CFTR: variants seen among roughly 807,000 people sequenced by gnomAD.
CFTR encodes the protein cystic fibrosis transmembrane conductance regulator.
CFTR carries 181 observed loss-of-function variants against 171.6 expected under a neutral mutation model. That is an observed-to-expected ratio of 1.05 (90% CI 0.93 to 1.19). The LOEUF is 1.19. Among genes scored for constraint, CFTR ranks in the 50% most tolerant of loss-of-function variants. The pLI, the probability that CFTR is intolerant of heterozygous loss-of-function variation, is 0.00. For missense variants in CFTR, 1,968 were observed against 1,734.7 expected (o/e 1.13, Z -2.39); for synonymous variants, 583 against 608.0 (o/e 0.96, Z 0.60).
At chr7:117,576,172 CA>C (rs1371520572) in intron 11 of CFTR, among the ~76,000 whole-genome samples, 3 of 152,060 alleles carry the variant, frequency 2.0e-5, no homozygotes, top group Admixed American at 2.0e-4. Flanking sequence ...GTCATTCTGA[CA>C]TATTTTTTCT....
intron 1 of CFTR, among the ~76,000 whole-genome samples, chr7:117,492,056 G>T (rs550793534): frequency 6.6e-6 from 1 of 152,078 alleles, no homozygotes; most frequent in Admixed American, 6.6e-5. Flanking sequence ...ATAAGAAAAA[G>T]GACCTTTTGC....
intron 3 of CFTR, among the ~76,000 whole-genome samples, chr7:117,518,924 A>G (rs1798642787): frequency 6.6e-6 from 1 of 152,174 alleles, no homozygotes; most frequent in African/African-American, 2.4e-5. Flanking sequence ...ATTAAAATTA[A>G]TATTTTAACA....
chr7:117,555,693 G>A (rs561635751), intron 10 of CFTR, among the ~76,000 whole-genome samples: 63 of 152,316 alleles, frequency 4.1e-4, no homozygotes, highest in Non-Finnish European at 7.8e-4. Flanking sequence ...TGCAGCTACA[G>A]TTGCCTGCAA....
In CFTR at chr7:117,509,133, A is replaced by G; in HGVS notation, c.264A>G (p.Leu88=). The G allele has an allele frequency of 6.5e-7, 1 of 1,546,772 alleles. No individual in the cohort carries two copies. Among genetic ancestry groups the G allele is most frequent in the Non-Finnish European group, 8.9e-7 (1 of 1,118,910 alleles). The part of the protein sequence containing the change: ...FWRFMFYGIF[L]YLGEVTKAVQ... The stretch of plus-strand genomic sequence containing the variant: ...GATTTATGTTCTATGGAATCTTTTT[A>G]TATTTAGGGGTAAGGATCTCATTTG... The change falls in exon 3 of 27, where the codon TTA becomes TTG. Residue 88 remains leucine (L), a synonymous_variant. Transcript: ENST00000003084.
chr7:117,503,789 A>G (rs1233001469), intron 1 of CFTR, among the ~76,000 whole-genome samples: 1 of 152,206 alleles, frequency 6.6e-6, no homozygotes, highest in Admixed American at 6.5e-5. Flanking sequence ...CTCATTACTG[A>G]GTATGCATGC....
chr7:117,580,117 G>A (rs901565821), intron 11 of CFTR, among the ~76,000 whole-genome samples: 1 of 151,958 alleles, frequency 6.6e-6, no homozygotes. Flanking sequence ...AATGTTAACT[G>A]TGCACATGAT....
At chr7:117,490,454 C>G (rs1293241062) in intron 1 of CFTR, among the ~76,000 whole-genome samples, 1 of 151,692 alleles carries the variant, frequency 6.6e-6, no homozygotes, top group Non-Finnish European at 1.5e-5. Context: ...AGTCAATGTT[C>G]CAGTTTGAGT....
chr7:117,542,334 G>A (rs1272685532), intron 9 of CFTR, among the ~76,000 whole-genome samples: 2 of 152,114 alleles, frequency 1.3e-5, no homozygotes, highest in African/African-American at 4.8e-5. Context: ...ATCACCTGAG[G>A]TCAGGAGTTC....
At chr7:117,593,587 T>C (rs1297889585) in intron 14 of CFTR, among the ~76,000 whole-genome samples, 2 of 152,128 alleles carry the variant, frequency 1.3e-5, no homozygotes, top group Non-Finnish European at 2.9e-5. Flanking sequence ...ATAGTGTTTT[T>C]TTGTGTGTTT....
chr7:117,635,879 G>A (rs571820820), intron 22 of CFTR, among the ~76,000 whole-genome samples: 12 of 151,976 alleles, frequency 7.9e-5, no homozygotes, highest in African/African-American at 2.2e-4. Context: ...AACTGTTATC[G>A]TTAAATCAAT....
intron 21 of CFTR, among the ~76,000 whole-genome samples, chr7:117,617,074 T>C (rs541329777): frequency 8.5e-5 from 13 of 152,334 alleles, no homozygotes; most frequent in African/African-American, 3.1e-4. Flanking sequence ...AGTGTTGTCA[T>C]TTTACTTACT....
chr7:117,540,281 A>T lies in CFTR; in HGVS notation c.1051A>T (p.Thr351Ser). ...SFCIVLRMAV[T>S]RQFPWAVQTW... ...CTGCATTGTTCTGCGCATGGCGGTCACTCGGCAATTTCCCTGGGCTGTACA... is the reference window on the plus strand; with the variant it reads ...CTGCATTGTTCTGCGCATGGCGGTCTCTCGGCAATTTCCCTGGGCTGTACA... The change falls in exon 8 of 27, where the codon ACT (threonine) becomes TCT (serine). Residue 351 changes from threonine (T) to serine (S), a missense_variant. Transcript: ENST00000003084. 6.2e-7 allele frequency: 1 copy of T among 1,614,078 alleles called. No individual in the cohort carries two copies. Among genetic ancestry groups the T allele is most frequent in the Non-Finnish European group, 8.5e-7 (1 of 1,179,938 alleles).
At chr7:117,629,156 T>G (rs1459759985) in intron 22 of CFTR, among the ~76,000 whole-genome samples, 1 of 152,190 alleles carries the variant, frequency 6.6e-6, no homozygotes, top group African/African-American at 2.4e-5. Flanking sequence ...TGCTTAGATA[T>G]TTCATTTTCT....
Position 117,667,433 on chromosome 7 carries a change from A to G in CFTR, c.*325A>G, listed in dbSNP as rs17140308. The G allele has an allele frequency of 0.023, 8,732 of 373,534 alleles. 708 individuals are homozygous for G. Among genetic ancestry groups the G allele is most frequent in the African/African-American group, 0.17 (7,993 of 47,542 alleles). 23.1% of individuals were successfully genotyped at this position (373,534 alleles called of 1,614,324 possible). Reference sequence around the variant, plus strand: ...ATTGGAAAGGCAGCTCTAAATGTCAATCAGCCTAGTTGATCAGCTTATTGT... The same window carrying G: ...ATTGGAAAGGCAGCTCTAAATGTCAGTCAGCCTAGTTGATCAGCTTATTGT... On this transcript the variant is annotated 3_prime_UTR_variant, in exon 27 of 27. Coordinates refer to ENST00000003084, the MANE Select transcript of CFTR (RefSeq NM_000492.4).
At chr7:117,512,633 CAAAAAAA>C (rs5886861) in intron 3 of CFTR, among the ~76,000 whole-genome samples, 2 of 68,894 alleles carry the variant, frequency 2.9e-5, no homozygotes, top group Non-Finnish European at 5.6e-5. Flanking sequence ...GACTCCATCT[CAAAAAAA>C]AAAAAAAAAA....
At position 117,530,917 on chromosome 7, in the gene CFTR, C is replaced by T. The variant is rs397508461; in HGVS notation, c.292C>T (p.Gln98Ter). ...TTTGTAGGAAGTCACCAAAGCAGTA[C>T]AGCCTCTCTTACTGGGAAGAATCAT... ...LYLGEVTKAV[Q>*]PLLLGRIIAS... Residue 98 changes from glutamine to a stop codon, truncating the protein, a stop_gained, in exon 4 of 27, where the codon CAG becomes TAG. Coordinates refer to ENST00000003084, the MANE Select transcript of CFTR (RefSeq NM_000492.4). LOFTEE classifies it high-confidence loss of function. 5 of 1,612,358 alleles carry T rather than the reference C, an allele frequency of 3.1e-6. No individual in the cohort carries two copies. The African/African-American group carries it at 5.3e-5, about 17-fold the overall frequency.
intron 7 of CFTR, among the ~76,000 whole-genome samples, chr7:117,538,715 G>T (rs1798997857): frequency 6.7e-6 from 1 of 150,314 alleles, no homozygotes. Context: ...GGTAGATTCT[G>T]TAAAGTTAGA....
chr7:117,632,367 A>G (rs565392930), intron 22 of CFTR, among the ~76,000 whole-genome samples: 53 of 152,074 alleles, frequency 3.5e-4, no homozygotes, highest in Non-Finnish European at 5.1e-4. Context: ...AGTTCTAGAC[A>G]AGCCTGGGCA....
chr7:117,591,978 C>G lies in CFTR; in HGVS notation c.1811C>G (p.Thr604Ser), dbSNP rs397508308. Reference sequence around the variant, plus strand: ...GCTAACAAAACTAGGATTTTGGTCACTTCTAAAATGGAACATTTAAAGAAA... The same window carrying G: ...GCTAACAAAACTAGGATTTTGGTCAGTTCTAAAATGGAACATTTAAAGAAA... ...LMANKTRILV[T>S]SKMEHLKKAD... The change falls in exon 14 of 27, where the codon ACT becomes AGT. Residue 604 changes from threonine (T) to serine (S), a missense_variant. Coordinates refer to ENST00000003084, the MANE Select transcript of CFTR (RefSeq NM_000492.4). The G allele has an allele frequency of 2.5e-6, 4 of 1,598,380 alleles. No individual in the cohort carries two copies. In the African/African-American group the frequency reaches 5.4e-5, roughly 22 times the overall value.
Sources: allele counts gnomAD v4.1 joint callset (sites outside exome capture counted in the v4.1 genomes callset), GRCh38; gene constraint gnomAD v4.1.1; transcripts MANE v1.5; gene names NCBI Gene and HGNC (gene_info 2026-07-23, HGNC 2026-07-21).